The following TSNARE1 variants were observed in gnomAD, a reference collection of about 807,000 sequenced individuals.
TSNARE1 encodes t-SNARE domain-containing protein 1.
Under a neutral mutation model 62.0 loss-of-function variants are expected in TSNARE1, and 49 were observed. The observed-to-expected ratio is 0.79, with a 90% CI of 0.63 to 1.00. TSNARE1 has a LOEUF of 1.00. Ranked by LOEUF, TSNARE1 falls within the 50% of genes least tolerant of loss-of-function variation. The probability of loss-of-function intolerance (pLI) is 0.00; values close to 1 mark genes in which losing one functional copy is unlikely to be tolerated. For synonymous variants in TSNARE1, 328 were observed against 294.4 expected, an observed-to-expected ratio of 1.11 and a Z score of -1.17; for missense variants, 755 against 700.1, an observed-to-expected ratio of 1.08 and a Z score of -0.88.
chr8:142,355,245 G>T (rs1288071985), intron 1 of TSNARE1, among the ~76,000 whole-genome samples: 2 of 152,244 alleles, frequency 1.3e-5, no homozygotes, highest in Non-Finnish European at 2.9e-5. Context: ...CTCCACGGTA[G>T]TGGGGCTGGG....
chr8:142,225,740 G>A (rs1396411628), intron 13 of TSNARE1, among the ~76,000 whole-genome samples: 2 of 152,244 alleles, frequency 1.3e-5, no homozygotes, highest in Admixed American at 6.5e-5. Flanking sequence ...CACAGGTAAC[G>A]TATGCAAACC....
Position 142,369,962 on chromosome 8 carries a change from C to T in TSNARE1, c.-39-15199G>A, listed in dbSNP as rs186745647. ...TGTTTTCCAAGGTTGGAATCTAACC[C>T]CCAACATGATGGTGTTAGGAGGAGG... On this transcript the variant is annotated intron_variant, in intron 1 of 13. Coordinates refer to ENST00000524325, the MANE Select transcript of TSNARE1 (RefSeq NM_145003.5). Among the ~76,000 whole-genome samples, 209 of 152,200 alleles carry T rather than the reference C, an allele frequency of 1.4e-3. 1 individual carries two copies. The highest frequency in any genetic ancestry group is 0.01 in the Middle Eastern group (3 of 294).
At chr8:142,375,758 T>C (rs759010631) in intron 1 of TSNARE1, among the ~76,000 whole-genome samples, 10 of 152,220 alleles carry the variant, frequency 6.6e-5, no homozygotes, top group Non-Finnish European at 1.5e-4. Flanking sequence ...CCCCCAGTCA[T>C]GGCAACTGAG....
At chr8:142,275,985 C>T in intron 11 of TSNARE1, 1 of 985,448 alleles carries the variant, frequency 1.0e-6, no homozygotes, top group Non-Finnish European at 1.2e-6. Context: ...GGAGGTGGAA[C>T]CCATGAGCCC....
intron 11 of TSNARE1, chr8:142,275,514 CG>C (rs1167472442): frequency 1.0e-6 from 1 of 985,422 alleles, no homozygotes; most frequent in Non-Finnish European, 1.2e-6. Flanking sequence ...CCCAGGGATC[CG>C]GAAGATTCCA....
At chr8:142,369,519 C>G (rs1731928716) in intron 1 of TSNARE1, among the ~76,000 whole-genome samples, 1 of 152,192 alleles carries the variant, frequency 6.6e-6, no homozygotes, top group African/African-American at 2.4e-5. Context: ...CAGAGCCAGA[C>G]TGAGGAGAGG....
intron 12 of TSNARE1, among the ~76,000 whole-genome samples, chr8:142,244,907 C>T (rs985186252): frequency 2.2e-4 from 34 of 152,274 alleles, no homozygotes; most frequent in Non-Finnish European, 4.8e-4. Flanking sequence ...ATTTGCAACA[C>T]GTGTAGACTC....
chr8:142,287,929 C>T (rs1451144052), intron 10 of TSNARE1, among the ~76,000 whole-genome samples: 1 of 152,222 alleles, frequency 6.6e-6, no homozygotes, highest in African/African-American at 2.4e-5. Flanking sequence ...GAACCCAGGA[C>T]CTCGGTCAGA....
rs144794337 is a variant in TSNARE1, at chr8:142,388,913, A to G, written c.-40+14191T>C. ...TTAGAATGCAATAGTATTCACACAC[A>G]TATGTGATAAATAAAGAAGAAAATA... On this transcript the variant is annotated intron_variant, in intron 1 of 13. Transcript: ENST00000524325. Among the ~76,000 whole-genome samples the G allele has an allele frequency of 1.8e-3, 271 of 152,298 alleles. 1 individual carries two copies. The highest frequency in any genetic ancestry group is 6.0e-3 in the African/African-American group (250 of 41,560).
At chr8:142,236,589 AAATG>A (rs1296078606) in intron 12 of TSNARE1, among the ~76,000 whole-genome samples, 3 of 150,812 alleles carry the variant, frequency 2.0e-5, no homozygotes, top group African/African-American at 4.9e-5. Flanking sequence ...GAGGCTGAAT[AAATG>A]AATGAATTAA....
In TSNARE1 at chr8:142,216,135, C is replaced by G. The variant is rs193264670; in HGVS notation, c.*12-3822G>C. Among the ~76,000 whole-genome samples, 346 of 152,318 alleles carry G rather than the reference C, an allele frequency of 2.3e-3. 2 individuals carry two copies. The highest frequency in any genetic ancestry group is 7.6e-3 in the African/African-American group (314 of 41,582). ...CCCCACTCCCTGCCGCCCCTCAGCC[C>G]CAGCTCCTCCAGACCCCTAGCTGGG... On this transcript the variant is annotated intron_variant, in intron 13 of 13. Coordinates refer to ENST00000524325, the MANE Select transcript of TSNARE1 (RefSeq NM_145003.5).
chr8:142,342,822 G>C (rs1326250637), intron 4 of TSNARE1, among the ~76,000 whole-genome samples: 1 of 147,256 alleles, frequency 6.8e-6, no homozygotes, highest in Non-Finnish European at 1.5e-5. Context: ...ACCTGTCCAG[G>C]CAACTGTCCG....
intron 4 of TSNARE1, among the ~76,000 whole-genome samples, chr8:142,338,104 G>A (rs887421879): frequency 1.3e-5 from 2 of 152,164 alleles, no homozygotes; most frequent in Admixed American, 1.3e-4. Flanking sequence ...CGTCAGCAGC[G>A]CTTATCAGGA....
intron 11 of TSNARE1, among the ~76,000 whole-genome samples, chr8:142,283,515 T>C (rs1440150994): frequency 7.1e-6 from 1 of 140,254 alleles, no homozygotes; most frequent in Non-Finnish European, 1.5e-5. Context: ...GGGACCAGTG[T>C]CTGTCAATGA....
chr8:142,297,099 G>C (rs1344305714), intron 10 of TSNARE1, among the ~76,000 whole-genome samples: 2 of 152,224 alleles, frequency 1.3e-5, no homozygotes, highest in African/African-American at 4.8e-5. Flanking sequence ...AGGCAAATCG[G>C]GGTTCAAGGT....
At chr8:142,380,645 C>T (rs535289854) in intron 1 of TSNARE1, among the ~76,000 whole-genome samples, 1 of 152,246 alleles carries the variant, frequency 6.6e-6, no homozygotes, top group South Asian at 2.1e-4. Context: ...GACAGTCCTG[C>T]CTCCCTCACG....
At chr8:142,274,926 C>T (rs1820197289) in intron 11 of TSNARE1, 63 bp from the exon 12 acceptor site, 2 of 1,435,714 alleles carry the variant, frequency 1.4e-6, no homozygotes, top group Non-Finnish European at 1.8e-6. Flanking sequence ...GCCCTGAGGA[C>T]ACCCCCCAAA....
chr8:142,344,750 A>C (rs1260224976), intron 3 of TSNARE1, among the ~76,000 whole-genome samples: 1 of 152,206 alleles, frequency 6.6e-6, no homozygotes, highest in Admixed American at 6.5e-5. Flanking sequence ...CTGCCCCTGC[A>C]GCCACCACAG....
chr8:142,259,136 G>A (rs1818736841), intron 12 of TSNARE1, among the ~76,000 whole-genome samples: 1 of 152,252 alleles, frequency 6.6e-6, no homozygotes, highest in African/African-American at 2.4e-5. Context: ...GACACTCCCA[G>A]GTGAGGTGAG....
Sources: gnomAD v4.1 joint callset for allele counts (sites outside exome capture counted in the v4.1 genomes callset) on GRCh38, gnomAD v4.1.1 for gene constraint, MANE v1.5 for transcripts, NCBI Gene and HGNC (gene_info 2026-07-23, HGNC 2026-07-21) for gene names.